GLRA1: variants seen among roughly 807,000 people sequenced by gnomAD.
The protein encoded by GLRA1 is glycine receptor subunit alpha-1.
Under a neutral mutation model 48.3 loss-of-function variants are expected in GLRA1, and 37 were observed. That is an observed-to-expected ratio of 0.77 (90% CI 0.59 to 1.01). The LOEUF is 1.01. GLRA1 is among the 50% of genes least tolerant of loss of function. The pLI is 0.00. For synonymous variants in GLRA1, 196 were observed against 210.7 expected (o/e 0.93, Z 0.60); for missense variants, 427 against 571.0 (o/e 0.75, Z 2.57).
At chr5:151,840,261 T>A (rs527604869) in intron 7 of GLRA1, among the ~76,000 whole-genome samples, 1 of 152,088 alleles carries the variant, frequency 6.6e-6, no homozygotes, top group East Asian at 1.9e-4. Context: ...ATCCAGCTAA[T>A]TTTTTAAAAG....
intron 7 of GLRA1, among the ~76,000 whole-genome samples, chr5:151,851,134 G>A (rs1219996206): frequency 6.6e-6 from 1 of 152,202 alleles, no homozygotes; most frequent in Non-Finnish European, 1.5e-5. Flanking sequence ...GAAGCAGAAT[G>A]TGTGTCTGGT....
intron 3 of GLRA1, among the ~76,000 whole-genome samples, chr5:151,875,850 G>A (rs1753613803): frequency 6.6e-6 from 1 of 152,168 alleles, no homozygotes; most frequent in Non-Finnish European, 1.5e-5. Context: ...CCAAGAACAG[G>A]GCCTCAGGAG....
chr5:151,894,825 A>G (rs1754190839), intron 1 of GLRA1, among the ~76,000 whole-genome samples: 1 of 152,252 alleles, frequency 6.6e-6, no homozygotes, highest in Non-Finnish European at 1.5e-5. Flanking sequence ...AAATAATTAG[A>G]CAATTATACA....
chr5:151,865,257 G>GT (rs35980754), intron 3 of GLRA1, among the ~76,000 whole-genome samples: 3 of 152,196 alleles, frequency 2.0e-5, no homozygotes, highest in Admixed American at 2.0e-4. Flanking sequence ...TCTGATAGGG[G>GT]TTAAACGCAG....
intron 2 of GLRA1, among the ~76,000 whole-genome samples, chr5:151,888,957 T>C (rs1020683394): frequency 3.9e-5 from 6 of 152,232 alleles, no homozygotes; most frequent in Non-Finnish European, 2.9e-5. Flanking sequence ...ATGGTCAGGA[T>C]TTTTCTCCTT....
At chr5:151,912,094 G>C (rs956726667) in intron 1 of GLRA1, among the ~76,000 whole-genome samples, 4 of 152,088 alleles carry the variant, frequency 2.6e-5, no homozygotes, top group Admixed American at 2.6e-4. Context: ...CTAATATCTA[G>C]GCTGTCCAAT....
chr5:151,880,698 C>T (rs1753739896), intron 3 of GLRA1, among the ~76,000 whole-genome samples: 1 of 152,264 alleles, frequency 6.6e-6, no homozygotes, highest in Non-Finnish European at 1.5e-5. Flanking sequence ...CATGTATAGT[C>T]ATACTCCCAT....
At chr5:151,908,948 G>T (rs1271166533) in intron 1 of GLRA1, among the ~76,000 whole-genome samples, 1 of 152,162 alleles carries the variant, frequency 6.6e-6, no homozygotes, top group Non-Finnish European at 1.5e-5. Context: ...TTGCCAAGGT[G>T]CCCTAAAGGG....
chr5:151,920,926 T>C lies in GLRA1; in HGVS notation c.56+3568A>G, dbSNP rs78233371. Among the ~76,000 whole-genome samples, 1,289 of 152,316 alleles carry C rather than the reference T, an allele frequency of 8.5e-3. 16 individuals carry two copies. The highest frequency in any genetic ancestry group is 0.03 in the African/African-American group (1,238 of 41,572). On this transcript the variant is annotated intron_variant, in intron 1 of 8. Coordinates refer to ENST00000274576, the MANE Select transcript of GLRA1 (RefSeq NM_000171.4). ...GGGGCCACCTCAAGGAAAAGCCCAT[T>C]CACCTTTCAACTGGGTAGGTTTTTT...
At chr5:151,916,428 A>G (rs1254116406) in intron 1 of GLRA1, among the ~76,000 whole-genome samples, 1 of 152,362 alleles carries the variant, frequency 6.6e-6, no homozygotes, top group Non-Finnish European at 1.5e-5. Context: ...ACACAGCAAT[A>G]AACACGCAGC....
At chr5:151,855,001 TG>T (rs11439258) in intron 6 of GLRA1, 38 bp downstream of exon 6, 2 of 1,606,018 alleles carry the variant, frequency 1.2e-6, no homozygotes, top group South Asian at 1.1e-5. Flanking sequence ...TGGTCCTGGT[TG>T]GGGGGTGGGA....
intron 1 of GLRA1, among the ~76,000 whole-genome samples, chr5:151,899,082 A>G (rs1346326917): frequency 1.3e-5 from 2 of 152,092 alleles, no homozygotes; most frequent in African/African-American, 4.8e-5. Flanking sequence ...ATGAGGATGA[A>G]ATACTTGTGG....
chr5:151,823,909 C>G (rs1176441531), intron 8 of GLRA1, among the ~76,000 whole-genome samples: 2 of 151,990 alleles, frequency 1.3e-5, no homozygotes, highest in Non-Finnish European at 2.9e-5. Context: ...TCATGTCCAG[C>G]TTTGTTATCG....
chr5:151,873,663 C>G (rs1338670779), intron 3 of GLRA1, among the ~76,000 whole-genome samples: 5 of 112,340 alleles, frequency 4.5e-5, no homozygotes, highest in Non-Finnish European at 9.4e-5. Context: ...GACACTTTGT[C>G]TCAAAAAAAA....
chr5:151,891,473 C>T lies in GLRA1; in HGVS notation c.184+838G>A, dbSNP rs77925359. Reference sequence around the variant, plus strand: ...GAATTAGGAAGTCTCACATAGATCTCGGTATCTGGCTCTTCTTGGAATACT... The same window carrying T: ...GAATTAGGAAGTCTCACATAGATCTTGGTATCTGGCTCTTCTTGGAATACT... On this transcript the variant is annotated intron_variant, in intron 2 of 8. Transcript: ENST00000274576. 1.4e-3 allele frequency among the ~76,000 whole-genome samples: 207 copies of T among 152,238 alleles called. 1 individual carries two copies. The East Asian group carries it at 0.014, about 10-fold the overall frequency.
intron 1 of GLRA1, among the ~76,000 whole-genome samples, chr5:151,899,560 C>T (rs904926701): frequency 8.5e-5 from 13 of 152,094 alleles, no homozygotes; most frequent in African/African-American, 2.4e-4. Flanking sequence ...TTCCCATCCC[C>T]GGCTCTGACC....
At chr5:151,904,150 G>A (rs1754422924) in intron 1 of GLRA1, among the ~76,000 whole-genome samples, 3 of 152,182 alleles carry the variant, frequency 2.0e-5, no homozygotes. Flanking sequence ...GAAACAACAA[G>A]GCTCTGTGGC....
chr5:151,892,199 G>T (rs1754093759), intron 2 of GLRA1, 112 bp downstream of exon 2: 1 of 984,616 alleles, frequency 1.0e-6, no homozygotes, highest in African/African-American at 1.6e-5. Context: ...GTAGAGGAAA[G>T]AGTCATGGGA....
rs1285400606 is a variant in GLRA1, at chr5:151,841,979, C to T, written c.912+9411G>A. Among the ~76,000 whole-genome samples, 5 of 151,454 alleles carry T rather than the reference C, an allele frequency of 3.3e-5. No homozygotes were observed. The East Asian group carries it at 9.7e-4, about 29-fold the overall frequency. On this transcript the variant is annotated intron_variant, in intron 7 of 8. Coordinates refer to ENST00000274576, the MANE Select transcript of GLRA1 (RefSeq NM_000171.4). ...GGCTGAGGCAGGAGAATTGCTTGAACCCAGGAGTTGGAGGTTGCCGTGAGC... is the reference window on the plus strand; with the variant it reads ...GGCTGAGGCAGGAGAATTGCTTGAATCCAGGAGTTGGAGGTTGCCGTGAGC...
Sources: gnomAD v4.1 joint callset for allele counts (sites outside exome capture counted in the v4.1 genomes callset) on GRCh38, gnomAD v4.1.1 for gene constraint, MANE v1.5 for transcripts, NCBI Gene and HGNC (gene_info 2026-07-23, HGNC 2026-07-21) for gene names.